MTMR2: variants seen among roughly 807,000 people sequenced by gnomAD.
The protein encoded by MTMR2 is phosphatidylinositol-3,5-bisphosphate 3-phosphatase MTMR2.
MTMR2 carries 55 observed loss-of-function variants against 86.9 expected under a neutral mutation model. The ratio of observed to expected loss-of-function variants is 0.63; its 90% CI spans 0.51 to 0.79. MTMR2 has a LOEUF of 0.79. Ranked by LOEUF, MTMR2 falls within the 30% of genes least tolerant of loss-of-function variation. MTMR2 has a pLI of 0.00. For missense variants in MTMR2, 659 were observed against 772.3 expected, an observed-to-expected ratio of 0.85 and a Z score of 1.74; for synonymous variants, 241 against 266.8, an observed-to-expected ratio of 0.90 and a Z score of 0.94.
In MTMR2 at chr11:95,834,392, T is replaced by C. The variant is rs1213877224; in HGVS notation, c.*898A>G. ...AAAATTTGAGCACAGTACTTCTCAC[T>C]ATAAGCTATTTATACAGAATTCAGA... On this transcript the variant is annotated 3_prime_UTR_variant, in exon 15 of 15. Coordinates refer to ENST00000346299, the MANE Select transcript of MTMR2 (RefSeq NM_016156.6). The C allele has an allele frequency of 1.3e-5, 2 of 152,138 alleles. No homozygotes were observed. Among genetic ancestry groups the C allele is most frequent in the East Asian group, 1.9e-4 (1 of 5,198 alleles). The allele number at this position is 152,138 out of a possible 1,614,324, so 9.4% of individuals were successfully genotyped here. A position where few individuals can be genotyped will look rare whatever the true frequency, so the allele number is the denominator to read the frequency against.
chr11:95,881,240 G>T (rs1260321543), intron 2 of MTMR2, among the ~76,000 whole-genome samples: 1 of 151,630 alleles, frequency 6.6e-6, no homozygotes, highest in Non-Finnish European at 1.5e-5. Flanking sequence ...ACATCAGTCT[G>T]TTTCTAAACT....
chr11:95,908,513 AAAG>A (rs1320204370), intron 1 of MTMR2, among the ~76,000 whole-genome samples: 1 of 152,190 alleles, frequency 6.6e-6, no homozygotes, highest in Non-Finnish European at 1.5e-5. Context: ...CTGGAACCAA[AAAG>A]AAGCCCGAAT....
chr11:95,908,407 A>T (rs578176363), intron 1 of MTMR2, among the ~76,000 whole-genome samples: 95 of 152,326 alleles, frequency 6.2e-4, no homozygotes, highest in African/African-American at 2.2e-3. Context: ...TAAAATGATT[A>T]TACTACCCTA....
chr11:95,852,025 T>G (rs1864040302), intron 7 of MTMR2, among the ~76,000 whole-genome samples: 1 of 152,238 alleles, frequency 6.6e-6, no homozygotes, highest in South Asian at 2.1e-4. Flanking sequence ...AGCTATTATA[T>G]TAAATGGTTG....
At chr11:95,913,105 A>G (rs1234818334) in intron 1 of MTMR2, 1 of 152,180 alleles carries the variant, frequency 6.6e-6, no homozygotes, top group East Asian at 1.9e-4. Context: ...AAAAATGAAG[A>G]AACAGTATGT....
chr11:95,905,331 G>A (rs540986861), intron 1 of MTMR2, among the ~76,000 whole-genome samples: 7 of 148,098 alleles, frequency 4.7e-5, no homozygotes, highest in South Asian at 2.2e-4. Context: ...ACGCACCTGC[G>A]CACACACACA....
intron 11 of MTMR2, among the ~76,000 whole-genome samples, chr11:95,844,231 A>G (rs899028105): frequency 1.3e-5 from 2 of 152,188 alleles, no homozygotes; most frequent in African/African-American, 4.8e-5. Flanking sequence ...CATGATAAGT[A>G]CATTGTGTAG....
At chr11:95,912,055 CAA>C in intron 1 of MTMR2, among the ~76,000 whole-genome samples, 1 of 148,014 alleles carries the variant, frequency 6.8e-6, no homozygotes, top group Non-Finnish European at 1.5e-5. Context: ...GCACAAACTT[CAA>C]AGTCATATAA....
At chr11:95,915,466 T>C (rs1866663049) in intron 1 of MTMR2, among the ~76,000 whole-genome samples, 3 of 152,174 alleles carry the variant, frequency 2.0e-5, no homozygotes, top group South Asian at 4.1e-4. Flanking sequence ...ATCCAAATTA[T>C]AAACTCCTTA....
chr11:95,891,670 CCA>C (rs1290105098), intron 1 of MTMR2, among the ~76,000 whole-genome samples: 2 of 152,112 alleles, frequency 1.3e-5, no homozygotes, highest in African/African-American at 4.8e-5. Flanking sequence ...ATATTATGAT[CCA>C]CAGTGTTATA....
intron 1 of MTMR2, 83 bp from the exon 2 acceptor site, chr11:95,888,344 A>G (rs1565374425): frequency 2.2e-6 from 2 of 905,218 alleles, no homozygotes; most frequent in Non-Finnish European, 3.5e-6. Flanking sequence ...TATAACTCCA[A>G]TATTTATTAA....
Position 95,849,729 on chromosome 11 carries a change from G to A in MTMR2, c.938C>T (p.Ser313Phe), listed in dbSNP as rs1251291691. The A allele has an allele frequency of 6.2e-7, 1 of 1,614,104 alleles. No individual in the cohort carries two copies. Among genetic ancestry groups the A allele is most frequent in the African/African-American group, 1.3e-5 (1 of 75,024 alleles). The change falls in exon 9 of 15, where the codon TCT (serine) becomes TTT (phenylalanine). Residue 313 changes from serine (S) to phenylalanine (F), a missense_variant. Ser to Phe is a radical substitution (Grantham distance 155). Transcript: ENST00000346299. ...GGCATCAAATATAAAGATTTTGTGA[G>A]ACTGGGCATTGGAATCCATGATAGC... is the stretch of plus-strand genomic sequence containing the variant. ...LQAIMDSNAQ[S>F]HKIFIFDARP...
intron 1 of MTMR2, among the ~76,000 whole-genome samples, chr11:95,920,422 C>T (rs1364476118): frequency 1.3e-5 from 2 of 152,054 alleles, no homozygotes; most frequent in South Asian, 2.1e-4. Flanking sequence ...ATTCTGGTAC[C>T]TCAGCCTCCC....
At chr11:95,879,780 C>T (rs1865256122) in intron 2 of MTMR2, among the ~76,000 whole-genome samples, 1 of 152,214 alleles carries the variant, frequency 6.6e-6, no homozygotes, top group Non-Finnish European at 1.5e-5. Flanking sequence ...TCATCCTCCC[C>T]ACTGAAAGGC....
intron 1 of MTMR2, among the ~76,000 whole-genome samples, chr11:95,917,625 A>T: frequency 6.6e-6 from 1 of 152,228 alleles, no homozygotes; most frequent in East Asian, 1.9e-4. Context: ...TAACATAAAC[A>T]GCCCATCAAA....
chr11:95,923,730 A>G (rs1488512625), intron 1 of MTMR2, 145 bp downstream of exon 1: 1 of 1,464,742 alleles, frequency 6.8e-7, no homozygotes, highest in African/African-American at 1.4e-5. Flanking sequence ...GGAGGGAGGC[A>G]GAAGTGGTTC....
chr11:95,906,152 G>C (rs1170024461), intron 1 of MTMR2, among the ~76,000 whole-genome samples: 1 of 152,150 alleles, frequency 6.6e-6, no homozygotes, highest in Non-Finnish European at 1.5e-5. Flanking sequence ...TTGAACCCAG[G>C]AGGCAGAGGT....
Position 95,924,054 on chromosome 11 carries a change from G to T in MTMR2, c.-100C>A. ...GTGCTACGGACCGGGGCCGCAGTCA[G>T]GCCAGCGCCGGCCCGGGAGGGAGAC... On this transcript the variant is annotated 5_prime_UTR_variant, in exon 1 of 15. In the 5' UTR this introduces an upstream ATG that the reference lacks. Coordinates refer to ENST00000346299, the MANE Select transcript of MTMR2 (RefSeq NM_016156.6). The T allele has an allele frequency of 2.1e-6, 3 of 1,439,512 alleles. No individual in the cohort carries two copies. Among genetic ancestry groups the T allele is most frequent in the Non-Finnish European group, 1.9e-6 (2 of 1,048,266 alleles). The allele number at this position is 1,439,512 out of a possible 1,614,324, so 89.2% of individuals were successfully genotyped here.
At chr11:95,854,597 C>G (rs531440649) in intron 7 of MTMR2, among the ~76,000 whole-genome samples, 2 of 151,494 alleles carry the variant, frequency 1.3e-5, no homozygotes, top group African/African-American at 4.8e-5. Context: ...TCCAGAGTAG[C>G]TAGGACTTCA....
Sources: gnomAD v4.1 joint callset for allele counts (sites outside exome capture counted in the v4.1 genomes callset) on GRCh38, gnomAD v4.1.1 for gene constraint, MANE v1.5 for transcripts, NCBI Gene and HGNC (gene_info 2026-07-23, HGNC 2026-07-21) for gene names.